Variants in MATN2 observed in about 807,000 individuals in gnomAD.
The protein encoded by MATN2 is matrilin 2.
A neutral mutation model predicts 103.2 loss-of-function variants in MATN2; 69 were observed. The ratio of observed to expected loss-of-function variants is 0.67; its 90% CI spans 0.55 to 0.82. The LOEUF (loss-of-function observed/expected upper bound fraction) is 0.82. MATN2 is among the 40% of genes least tolerant of loss of function. The pLI is 0.00. For missense variants in MATN2, 1,023 were observed against 1,211.5 expected, an observed-to-expected ratio of 0.84 and a Z score of 2.31; for synonymous variants, 429 against 450.2, an observed-to-expected ratio of 0.95 and a Z score of 0.60.
rs1431462243 is a variant in MATN2 at position 98,007,245 on chromosome 8, C to G, written c.1450+18C>G. ...CTGCTCCCGTGAGTCCCTCCGCGCTCCTCTCATAGGGGAAGGTTTGCACCA... is the reference window on the plus strand; with the variant it reads ...CTGCTCCCGTGAGTCCCTCCGCGCTGCTCTCATAGGGGAAGGTTTGCACCA... On this transcript the variant is annotated intron_variant, in intron 9 of 18. Transcript: ENST00000254898. This position sits in a 1 kb window ranked among gnomAD's most constrained non-coding sequence, Gnocchi z 4.2. 1.9e-6 allele frequency: 3 copies of G among 1,613,352 alleles called. No individual in the cohort carries two copies. In the Admixed American group the frequency reaches 5.0e-5, roughly 27 times the overall value.
chr8:97,969,655 T>C (rs1563698245), intron 5 of MATN2, among the ~76,000 whole-genome samples: 3 of 152,124 alleles, frequency 2.0e-5, no homozygotes, highest in Admixed American at 1.3e-4. Context: ...AGGAAGATAA[T>C]TTCTTGGCCA....
At chr8:97,991,627 C>A (rs985793479) in intron 6 of MATN2, among the ~76,000 whole-genome samples, 7 of 151,780 alleles carry the variant, frequency 4.6e-5, no homozygotes, top group Non-Finnish European at 8.8e-5. Context: ...GAGGCTGAGG[C>A]AGGAGAATTG....
intron 4 of MATN2, among the ~76,000 whole-genome samples, chr8:97,946,509 G>A (rs958724892): frequency 6.6e-6 from 1 of 152,042 alleles, no homozygotes; most frequent in Non-Finnish European, 1.5e-5. Context: ...AAAAAATGGG[G>A]GGAAAGAAAA....
intron 7 of MATN2, 144 bp from the exon 8 acceptor site, chr8:98,003,517 C>T (rs1269956081): frequency 1.7e-5 from 14 of 816,926 alleles, no homozygotes; most frequent in African/African-American, 6.9e-5. Flanking sequence ...GGCAGACAAA[C>T]GAATGAATGA....
intron 2 of MATN2, among the ~76,000 whole-genome samples, chr8:97,920,349 AG>A (rs1170806776): frequency 6.6e-6 from 1 of 152,108 alleles, no homozygotes; most frequent in Non-Finnish European, 1.5e-5. Context: ...CTGGGATTAG[AG>A]GGGCACGCCA....
intron 10 of MATN2, among the ~76,000 whole-genome samples, chr8:98,011,774 G>A (rs917911143): frequency 3.3e-5 from 5 of 152,168 alleles, no homozygotes; most frequent in African/African-American, 1.2e-4. Flanking sequence ...CCCAGACGCA[G>A]GATTGCTGTC....
At chr8:98,033,286 G>C (rs1475088330) in intron 17 of MATN2, 110 bp downstream of exon 17, 1 of 983,770 alleles carries the variant, frequency 1.0e-6, no homozygotes, top group Non-Finnish European at 1.4e-6. Context: ...AAATAGTATA[G>C]AGGAAAAGAG....
At chr8:98,022,357 GCACACACA>G (rs34090534) in intron 13 of MATN2, among the ~76,000 whole-genome samples, 14 of 150,506 alleles carry the variant, frequency 9.3e-5, no homozygotes, top group African/African-American at 2.0e-4. Context: ...ATACCCTTAT[GCACACACA>G]CACACACACA....
chr8:97,996,439 C>T (rs1812591550), intron 7 of MATN2, among the ~76,000 whole-genome samples: 1 of 152,206 alleles, frequency 6.6e-6, no homozygotes, highest in East Asian at 1.9e-4. Flanking sequence ...TGTTTGCAAG[C>T]AAGCTGTGGC....
At chr8:97,936,792 G>A (rs959068971) in intron 3 of MATN2, among the ~76,000 whole-genome samples, 1 of 152,186 alleles carries the variant, frequency 6.6e-6, no homozygotes, top group South Asian at 2.1e-4. Flanking sequence ...TCACCGCAAA[G>A]GCCCATCCCA....
chr8:98,025,276 ACACACACACACACAC>A (rs1813748225), intron 13 of MATN2: 1 of 152,846 alleles, frequency 6.5e-6, no homozygotes, highest in East Asian at 1.9e-4. Flanking sequence ...ACTCACGCAC[ACACACACACACACAC>A]CACACACACT....
intron 4 of MATN2, among the ~76,000 whole-genome samples, chr8:97,945,717 A>AAAAAAAAATAT (rs59472539): frequency 2.5e-5 from 3 of 121,810 alleles, no homozygotes; most frequent in East Asian, 2.3e-4. Flanking sequence ...AAAAAAAAAA[A>AAAAAAAAATAT]ATATATATAT....
intron 4 of MATN2, among the ~76,000 whole-genome samples, chr8:97,943,898 A>G (rs1810658416): frequency 6.6e-6 from 1 of 152,202 alleles, no homozygotes; most frequent in African/African-American, 2.4e-5. Context: ...CAAATAAAAA[A>G]TAAAGTGTTC....
intron 4 of MATN2, among the ~76,000 whole-genome samples, chr8:97,953,855 G>A (rs1299515562): frequency 2.0e-5 from 3 of 151,090 alleles, no homozygotes; most frequent in African/African-American, 4.9e-5. Context: ...CCAGCTACTC[G>A]GGAGGCTGAG....
intron 10 of MATN2, among the ~76,000 whole-genome samples, chr8:98,008,170 G>A (rs1813037284): frequency 6.6e-6 from 1 of 151,968 alleles, no homozygotes; most frequent in Non-Finnish European, 1.5e-5. Flanking sequence ...CACATGGTGA[G>A]GCTGGCAGTG....
At chr8:97,888,834 AG>A (rs1818531983) in intron 2 of MATN2, among the ~76,000 whole-genome samples, 1 of 152,212 alleles carries the variant, frequency 6.6e-6, no homozygotes, top group South Asian at 2.1e-4. Flanking sequence ...AAGGTTGGGC[AG>A]TGCCAAGAGA....
At chr8:97,920,602 A>G (rs1809778210) in intron 2 of MATN2, among the ~76,000 whole-genome samples, 1 of 152,192 alleles carries the variant, frequency 6.6e-6, no homozygotes, top group Non-Finnish European at 1.5e-5. Context: ...TTCTGGTAGA[A>G]AGGGGAAGAT....
chr8:97,983,435 A>T (rs1812091051), intron 6 of MATN2, among the ~76,000 whole-genome samples: 1 of 152,164 alleles, frequency 6.6e-6, no homozygotes. Flanking sequence ...TGAGATCTAG[A>T]TTGAAACCCT....
chr8:97,900,015 G>A (rs918510060), intron 2 of MATN2, among the ~76,000 whole-genome samples: 2 of 152,226 alleles, frequency 1.3e-5, no homozygotes, highest in African/African-American at 2.4e-5. Context: ...GGGCTGTGCA[G>A]CCGGAATCCC....
Sources: allele counts gnomAD v4.1 joint callset (sites outside exome capture counted in the v4.1 genomes callset), GRCh38; gene constraint gnomAD v4.1.1; non-coding constraint Gnocchi (gnomAD v3.1); transcripts MANE v1.5; gene names NCBI Gene and HGNC (gene_info 2026-07-23, HGNC 2026-07-21).